The following HAUS6 variants were observed in gnomAD, a reference collection of about 807,000 sequenced individuals.
HAUS6 encodes the protein HAUS augmin like complex subunit 6.
A neutral mutation model predicts 106.8 loss-of-function variants in HAUS6; 80 were observed. The observed-to-expected ratio is 0.75, with a 90% CI of 0.63 to 0.90. HAUS6 has a LOEUF of 0.90. Among genes scored for constraint, HAUS6 ranks in the 40% least tolerant of loss-of-function variants. HAUS6 has a pLI of 0.00. For missense variants in HAUS6, 1,155 were observed against 1,118.1 expected, an observed-to-expected ratio of 1.03 and a Z score of -0.47; for synonymous variants, 356 against 379.1, an observed-to-expected ratio of 0.94 and a Z score of 0.71.
Position 19,079,977 on chromosome 9 carries a change from C to A in HAUS6, c.1064+502G>T, listed in dbSNP as rs372779234. Among the ~76,000 whole-genome samples the A allele has an allele frequency of 4.0e-5, 6 of 151,376 alleles. No individual in the cohort carries two copies. In the South Asian group the frequency reaches 1.3e-3, roughly 32 times the overall value. ...ATCATCTGAGGTCGGGAGTTCGAGA[C>A]CAGCCTGACCAACATGGAGAAAACC... is the stretch of plus-strand genomic sequence containing the variant. On this transcript the variant is annotated intron_variant, in intron 9 of 16. Transcript: ENST00000380502.
chr9:19,092,391 G>A (rs1415561601), intron 4 of HAUS6, among the ~76,000 whole-genome samples: 7 of 150,486 alleles, frequency 4.7e-5, no homozygotes, highest in East Asian at 4.0e-4. Flanking sequence ...CGAGGCAGGC[G>A]GATCACCTGA....
chr9:19,091,192 C>T (rs982352025), intron 4 of HAUS6, among the ~76,000 whole-genome samples: 27 of 151,928 alleles, frequency 1.8e-4, no homozygotes, highest in African/African-American at 5.3e-4. Flanking sequence ...CCCAGCTACT[C>T]GGAAGGCTGA....
At chr9:19,057,917 A>G in intron 16 of HAUS6, 44 bp downstream of exon 16, 1 of 1,189,076 alleles carries the variant, frequency 8.4e-7, no homozygotes, top group Non-Finnish European at 1.2e-6. Context: ...AAGTTGAGAG[A>G]AAACTTCAAC....
chr9:19,060,205 A>G lies in HAUS6; in HGVS notation c.1648T>C (p.Ser550Pro), dbSNP rs1470014501. The change falls in exon 15 of 17, where the codon TCT becomes CCT. Residue 550 changes from serine to proline, a missense_variant. Around this residue, in one of 3 missense-constraint regions of HAUS6, gnomAD observed 761 missense variants for 690.0 expected, o/e 1.10. Transcript: ENST00000380502. Reference protein sequence around the residue: ...LVEEVARAVLSDSPQLSEGKE... With the variant: ...LVEEVARAVLPDSPQLSEGKE... ...CCTTCAGAGAGCTGTGGTGAATCAG[A>G]TAAAACTGCTCTGGCAACCTAAAAC... The G allele has an allele frequency of 2.6e-6, 4 of 1,562,248 alleles. No individual in the cohort carries two copies. Among genetic ancestry groups the G allele is most frequent in the African/African-American group, 1.4e-5 (1 of 72,458 alleles).
rs569217924 is a variant in HAUS6 at position 19,083,081 on chromosome 9, A to G, written c.700-38T>C. ...AAACAAAATATTAAAGTCCACACAT[A>G]ATCTGTACATATTTTAAAAATGTAA... On this transcript the variant is annotated intron_variant, in intron 7 of 16. Coordinates refer to ENST00000380502, the MANE Select transcript of HAUS6 (RefSeq NM_017645.5). 43 of 1,303,402 alleles carry G rather than the reference A, an allele frequency of 3.3e-5. No homozygotes were observed. In the East Asian group the frequency reaches 1.0e-3, roughly 31 times the overall value. 80.7% of individuals were successfully genotyped at this position (1,303,402 alleles called of 1,614,324 possible).
intron 1 of HAUS6, among the ~76,000 whole-genome samples, chr9:19,099,569 A>ATACT (rs1817943898): frequency 6.6e-6 from 1 of 152,066 alleles, no homozygotes; most frequent in African/African-American, 2.4e-5. Flanking sequence ...GGCTCAAGCA[A>ATACT]TACTCCCACC....
At chr9:19,056,597 C>CTT (rs879658713) in intron 16 of HAUS6, 193 bp from the exon 17 acceptor site, 156 of 414,894 alleles carry the variant, frequency 3.8e-4, no homozygotes, top group Middle Eastern at 6.5e-4. Context: ...TCCCAGAGTA[C>CTT]TTTTTTTTTT....
intron 16 of HAUS6, 89 bp downstream of exon 16, chr9:19,057,872 G>A: frequency 1.4e-6 from 1 of 711,010 alleles, no homozygotes; most frequent in Non-Finnish European, 2.4e-6. Context: ...AACAATAAAG[G>A]TCATGCAGCA....
At chr9:19,065,393 T>C (rs988490654) in intron 12 of HAUS6, among the ~76,000 whole-genome samples, 2 of 152,204 alleles carry the variant, frequency 1.3e-5, no homozygotes, top group African/African-American at 4.8e-5. Context: ...AGGAACACAC[T>C]TTTTATAGTA....
chr9:19,060,463 A>G (rs1408958612), intron 14 of HAUS6, among the ~76,000 whole-genome samples: 1 of 152,260 alleles, frequency 6.6e-6, no homozygotes, highest in Non-Finnish European at 1.5e-5. Context: ...CCCATTATAA[A>G]GGAGAGAATA....
intron 14 of HAUS6, among the ~76,000 whole-genome samples, chr9:19,061,654 G>A (rs1331279548): frequency 6.6e-6 from 1 of 152,128 alleles, no homozygotes; most frequent in Non-Finnish European, 1.5e-5. Flanking sequence ...GGGCAAAAGA[G>A]TGAGTTCCCA....
intron 4 of HAUS6, among the ~76,000 whole-genome samples, chr9:19,092,807 C>T (rs1426044763): frequency 6.6e-6 from 1 of 151,008 alleles, no homozygotes; most frequent in Non-Finnish European, 1.5e-5. Context: ...CACCTGTAAT[C>T]CCAGCTACTC....
In HAUS6 at chr9:19,069,566, G is replaced by C. The variant is rs182849531; in HGVS notation, c.1376+653C>G. Among the ~76,000 whole-genome samples the C allele has an allele frequency of 8.5e-5, 13 of 152,224 alleles. No homozygotes were observed. The East Asian group carries it at 2.5e-3, about 29-fold the overall frequency. On this transcript the variant is annotated intron_variant, in intron 12 of 16. Coordinates refer to ENST00000380502, the MANE Select transcript of HAUS6 (RefSeq NM_017645.5). ...TACCCAAGTGTGGTGGCAGGCGCTTGTAATGCCAGCTACTTAGGAGGTAGC... is the reference window on the plus strand; with the variant it reads ...TACCCAAGTGTGGTGGCAGGCGCTTCTAATGCCAGCTACTTAGGAGGTAGC...
chr9:19,089,913 G>C (rs960572974), intron 4 of HAUS6, among the ~76,000 whole-genome samples: 3 of 152,116 alleles, frequency 2.0e-5, no homozygotes, highest in African/African-American at 7.2e-5. Context: ...GGTCACTGCA[G>C]CCTCAACCTT....
chr9:19,065,937 T>A (rs976011484), intron 12 of HAUS6, among the ~76,000 whole-genome samples: 166 of 107,722 alleles, frequency 1.5e-3, no homozygotes, highest in African/African-American at 6.4e-3. Context: ...AGCCAAAAAT[T>A]TTTTTTTTTT....
At chr9:19,094,891 A>T (rs1817828872) in intron 2 of HAUS6, among the ~76,000 whole-genome samples, 1 of 152,150 alleles carries the variant, frequency 6.6e-6, no homozygotes, top group Admixed American at 6.6e-5. Flanking sequence ...ATAAACATCT[A>T]TAGGGTTGAG....
In HAUS6 at chr9:19,070,144, T is replaced by C. The variant is rs1040082890; in HGVS notation, c.1376+75A>G. 6.0e-5 allele frequency: 51 copies of C among 848,100 alleles called. No individual in the cohort carries two copies. The East Asian group carries it at 7.5e-4, about 12-fold the overall frequency. The allele number at this position is 848,100 out of a possible 1,614,324, so 52.5% of individuals were successfully genotyped here. ...ACCCAGAAGTCCAGCTGGCTTCACCTCTCAGTTCCATCTCTATTTTTTATA... is the reference window on the plus strand; with the variant it reads ...ACCCAGAAGTCCAGCTGGCTTCACCCCTCAGTTCCATCTCTATTTTTTATA... On this transcript the variant is annotated intron_variant, in intron 12 of 16. Coordinates refer to ENST00000380502, the MANE Select transcript of HAUS6 (RefSeq NM_017645.5).
chr9:19,096,548 G>A (rs1415295946), intron 2 of HAUS6, 126 bp downstream of exon 2: 1 of 541,866 alleles, frequency 1.8e-6, no homozygotes, highest in African/African-American at 2.5e-5. Flanking sequence ...CTCGATGACG[G>A]AGTGAGACTC....
intron 4 of HAUS6, among the ~76,000 whole-genome samples, chr9:19,090,827 C>A (rs569840708): frequency 6.6e-6 from 1 of 152,272 alleles, no homozygotes; most frequent in Admixed American, 6.5e-5. Flanking sequence ...CACTGTGTTA[C>A]TAAAAACCAG....
Sources: allele counts gnomAD v4.1 joint callset (sites outside exome capture counted in the v4.1 genomes callset), GRCh38; gene constraint gnomAD v4.1.1; regional missense constraint gnomAD v4.1.1; transcripts MANE v1.5; gene names NCBI Gene and HGNC (gene_info 2026-07-23, HGNC 2026-07-21).